TENM2: variants seen among roughly 807,000 people sequenced by gnomAD.
The protein encoded by TENM2 is teneurin transmembrane protein 2.
A neutral mutation model predicts 245.2 loss-of-function variants in TENM2; 52 were observed. The observed-to-expected ratio is 0.21, with a 90% CI of 0.17 to 0.27. The LOEUF (loss-of-function observed/expected upper bound fraction) is 0.27. Among genes scored for constraint, TENM2 ranks in the 10% least tolerant of loss-of-function variants. The pLI is 1.00. For synonymous variants in TENM2, 1,363 were observed against 1,438.9 expected (o/e 0.95, Z 1.19); for missense variants, 3,046 against 3,666.8 (o/e 0.83, Z 4.37).
intron 19 of TENM2, among the ~76,000 whole-genome samples, chr5:168,210,987 T>C (rs1291124486): frequency 2.0e-5 from 3 of 152,254 alleles, no homozygotes; most frequent in Non-Finnish European, 4.4e-5. Context: ...AAATGATAAC[T>C]GGAGTCTTTG....
At chr5:167,358,577 T>C (rs1305067002) in intron 1 of TENM2, among the ~76,000 whole-genome samples, 1 of 151,906 alleles carries the variant, frequency 6.6e-6, no homozygotes, top group Non-Finnish European at 1.5e-5. Context: ...AATAGGAAAG[T>C]GACCCGGGGC....
chr5:167,546,875 A>G (rs1481175040), intron 2 of TENM2, among the ~76,000 whole-genome samples: 2 of 152,128 alleles, frequency 1.3e-5, no homozygotes, highest in Non-Finnish European at 2.9e-5. Context: ...CCCTTTCCCC[A>G]TAATTGACAC....
chr5:167,195,234 G>C, the TENM2 span, among the ~76,000 whole-genome samples: 1 of 152,000 alleles, frequency 6.6e-6, no homozygotes, highest in Non-Finnish European at 1.5e-5. Context: ...AGGCAGGGGG[G>C]TTTAGTGTCC....
chr5:167,523,658 A>G (rs1309964818), intron 2 of TENM2, among the ~76,000 whole-genome samples: 1 of 152,198 alleles, frequency 6.6e-6, no homozygotes, highest in East Asian at 1.9e-4. Context: ...TCTGAAAAAC[A>G]GAATAAAATT....
the TENM2 span, among the ~76,000 whole-genome samples, chr5:166,991,955 A>C: frequency 6.6e-6 from 1 of 152,210 alleles, no homozygotes; most frequent in Non-Finnish European, 1.5e-5. Flanking sequence ...CTGAAAAAAA[A>C]ATTTAAATGT....
chr5:167,608,972 A>G (rs1391657520), intron 2 of TENM2, among the ~76,000 whole-genome samples: 2 of 140,342 alleles, frequency 1.4e-5, no homozygotes, highest in Non-Finnish European at 3.2e-5. Context: ...TCCACACCCT[A>G]CACATTTTAA....
the TENM2 span, among the ~76,000 whole-genome samples, chr5:167,224,276 T>A: frequency 6.6e-5 from 10 of 152,096 alleles, no homozygotes; most frequent in African/African-American, 2.4e-4. Context: ...TAGACCAATA[T>A]CCTGAATAGT....
chr5:168,059,417 G>A (rs949079728), intron 6 of TENM2, among the ~76,000 whole-genome samples: 1 of 152,046 alleles, frequency 6.6e-6, no homozygotes, highest in African/African-American at 2.4e-5. Context: ...CAGACATAAA[G>A]GAAAGCCAAG....
the TENM2 span, among the ~76,000 whole-genome samples, chr5:167,165,805 A>G: frequency 6.6e-6 from 1 of 152,316 alleles, no homozygotes; most frequent in African/African-American, 2.4e-5. Flanking sequence ...CCTTTTATAA[A>G]AGTTTATGTC....
intron 7 of TENM2, among the ~76,000 whole-genome samples, chr5:168,075,447 A>G (rs1281767603): frequency 6.6e-6 from 1 of 152,120 alleles, no homozygotes; most frequent in East Asian, 1.9e-4. Context: ...AAAATCTGAA[A>G]ACTGTATCCA....
chr5:167,040,545 C>G, the TENM2 span, among the ~76,000 whole-genome samples: 3 of 152,040 alleles, frequency 2.0e-5, no homozygotes, highest in Admixed American at 1.3e-4. Flanking sequence ...TTGCAGATAC[C>G]TAAGAGTGCT....
chr5:168,144,151 G>A (rs1046736956), intron 12 of TENM2, among the ~76,000 whole-genome samples: 7 of 151,842 alleles, frequency 4.6e-5, no homozygotes, highest in African/African-American at 1.2e-4. Context: ...GAGCCACTGC[G>A]CCCAGCCTAC....
intron 2 of TENM2, among the ~76,000 whole-genome samples, chr5:167,746,675 CAG>C (rs57973052): frequency 0.041 from 4,797 of 117,110 alleles, 154 homozygotes; most frequent in African/African-American, 0.088. Flanking sequence ...AAATTACCAA[CAG>C]AGAGAGAGAG....
At chr5:168,082,219 G>A (rs1302427308) in intron 7 of TENM2, among the ~76,000 whole-genome samples, 2 of 151,932 alleles carry the variant, frequency 1.3e-5, no homozygotes, top group Non-Finnish European at 2.9e-5. Context: ...CCACTTGATC[G>A]AATCAGCTAC....
chr5:167,335,154 C>T (rs1757682232), intron 1 of TENM2, among the ~76,000 whole-genome samples: 1 of 152,170 alleles, frequency 6.6e-6, no homozygotes, highest in Non-Finnish European at 1.5e-5. Context: ...GAGGAGGCCT[C>T]AGGGAGCTTT....
At chr5:167,689,813 G>A (rs1376457523) in intron 2 of TENM2, among the ~76,000 whole-genome samples, 1 of 152,026 alleles carries the variant, frequency 6.6e-6, no homozygotes, top group Non-Finnish European at 1.5e-5. Flanking sequence ...CCAGGCTGGA[G>A]TGCAATGGAG....
chr5:168,195,090 G>A, intron 14 of TENM2, 86 bp from the exon 17 acceptor site: 2 of 1,486,288 alleles, frequency 1.3e-6, no homozygotes, highest in Non-Finnish European at 1.8e-6. Context: ...TGAGGGACCA[G>A]ATGAGGATGA....
At chr5:167,626,732 G>A (rs1778529922) in intron 2 of TENM2, among the ~76,000 whole-genome samples, 1 of 152,130 alleles carries the variant, frequency 6.6e-6, no homozygotes, top group Non-Finnish European at 1.5e-5. Flanking sequence ...CCAAGCAAAA[G>A]GGAAATCATT....
chr5:167,460,821 G>A (rs948098521), intron 2 of TENM2, among the ~76,000 whole-genome samples: 1 of 152,090 alleles, frequency 6.6e-6, no homozygotes, highest in African/African-American at 2.4e-5. Context: ...GGGCTTTTAA[G>A]GGACTCCTTT....
Sources: allele counts gnomAD v4.1 joint callset (sites outside exome capture counted in the v4.1 genomes callset), GRCh38; gene constraint gnomAD v4.1.1; transcripts MANE v1.5; gene names NCBI Gene and HGNC (gene_info 2026-07-23, HGNC 2026-07-21).